Variants in C2orf69 observed in about 807,000 individuals in gnomAD.
C2orf69 encodes chromosome 2 open reading frame 69.
C2orf69 carries 19 observed loss-of-function variants against 29.5 expected under a neutral mutation model. That is an observed-to-expected ratio of 0.65 (90% CI 0.45 to 0.95). The LOEUF is 0.95. C2orf69 is among the 40% of genes least tolerant of loss of function. The pLI is 0.00. For synonymous variants in C2orf69, 194 were observed against 180.0 expected, an observed-to-expected ratio of 1.08 and a Z score of -0.62; for missense variants, 416 against 482.1, an observed-to-expected ratio of 0.86 and a Z score of 1.28.
In C2orf69 at chr2:199,911,302, CG is replaced by C. The variant is rs1210631147; in HGVS notation, c.-136del. The C allele has an allele frequency of 4.9e-5, 52 of 1,062,718 alleles. No individual in the cohort carries two copies. The highest frequency in any genetic ancestry group is 6.4e-5 in the Non-Finnish European group (51 of 795,774). The allele number at this position is 1,062,718 out of a possible 1,614,324, so 65.8% of individuals were successfully genotyped here. A position where few individuals can be genotyped will look rare whatever the true frequency, so the allele number is the denominator to read the frequency against. ...GCGCGCGGACGTCGGCCTCTGACGTCGTCGCCTCAGCGCCGGCTCCCGGCCG... is the reference window on the plus strand; with the variant it reads ...GCGCGCGGACGTCGGCCTCTGACGTCTCGCCTCAGCGCCGGCTCCCGGCCG... On this transcript the variant is annotated 5_prime_UTR_variant, in exon 1 of 2. Transcript: ENST00000319974.
intron 1 of C2orf69, among the ~76,000 whole-genome samples, chr2:199,922,582 G>A (rs1304922420): frequency 6.6e-6 from 1 of 152,106 alleles, no homozygotes; most frequent in East Asian, 1.9e-4. Flanking sequence ...GAATTACTAA[G>A]TCAAAAGGAA....
In C2orf69 at chr2:199,911,603, G is replaced by A. The variant is rs1372541781; in HGVS notation, c.165G>A (p.Leu55=). ...CCGAGGTGCGCCGCCGTCAGTGCCT[G>A]CAGCTTTCCACCGTGCCTGGAGCCG... The part of the protein sequence containing the change: ...LSAEVRRRQC[L]QLSTVPGADP... Residue 55 remains leucine (L), a synonymous_variant, in exon 1 of 2, where the codon CTG becomes CTA. Transcript: ENST00000319974. 1 of 1,549,526 alleles carries A rather than the reference G, an allele frequency of 6.5e-7. No homozygotes were observed. Among genetic ancestry groups the A allele is most frequent in the Non-Finnish European group, 8.7e-7 (1 of 1,146,636 alleles).
intron 1 of C2orf69, among the ~76,000 whole-genome samples, chr2:199,917,692 A>G (rs779633098): frequency 2.0e-5 from 3 of 152,142 alleles, no homozygotes; most frequent in Non-Finnish European, 4.4e-5. Context: ...GGAAGTTCCA[A>G]ACTTTCCCAC....
chr2:199,911,603 G>T lies in C2orf69; in HGVS notation c.165G>T (p.Leu55=), dbSNP rs1372541781. The change falls in exon 1 of 2, where the codon CTG becomes CTT. Residue 55 remains leucine (L), a synonymous_variant. Coordinates refer to ENST00000319974, the MANE Select transcript of C2orf69 (RefSeq NM_153689.6). ...LSAEVRRRQC[L]QLSTVPGADP... ...CCGAGGTGCGCCGCCGTCAGTGCCTGCAGCTTTCCACCGTGCCTGGAGCCG... is the reference window on the plus strand; with the variant it reads ...CCGAGGTGCGCCGCCGTCAGTGCCTTCAGCTTTCCACCGTGCCTGGAGCCG... 8.4e-6 allele frequency: 13 copies of T among 1,549,644 alleles called. No homozygotes were observed. Among genetic ancestry groups the T allele is most frequent in the Non-Finnish European group, 1.7e-6 (2 of 1,146,628 alleles).
Position 199,926,038 on chromosome 2 carries a change from C to A in C2orf69, c.*152C>A. On this transcript the variant is annotated 3_prime_UTR_variant, in exon 2 of 2. Coordinates refer to ENST00000319974, the MANE Select transcript of C2orf69 (RefSeq NM_153689.6). The stretch of plus-strand genomic sequence containing the variant: ...ATTCCTAAAATGTGAGTGTAATGTG[C>A]AATAGTATTTTTTGCTTGTGAATGT... The A allele has an allele frequency of 1.7e-6, 1 of 575,142 alleles. No individual in the cohort carries two copies. The highest frequency in any genetic ancestry group is 3.0e-5 in the Admixed American group (1 of 33,006). The allele number at this position is 575,142 out of a possible 1,614,324, so 35.6% of individuals were successfully genotyped here.
rs558021710 is a variant in C2orf69 at position 199,925,670 on chromosome 2, A to C, written c.942A>C (p.Pro314=). 9 of 1,613,848 alleles carry C rather than the reference A, an allele frequency of 5.6e-6. No individual in the cohort carries two copies. Among genetic ancestry groups the C allele is most frequent in the Non-Finnish European group, 5.9e-6 (7 of 1,179,834 alleles). The part of the protein sequence containing the change: ...SGGSNTWVTY[P]EVLKEFAQTG... ...GAAGCAATACTTGGGTTACTTATCC[A>C]GAAGTCTTGAAAGAATTTGCACAAA... Residue 314 remains proline, a synonymous_variant, in exon 2 of 2, where the codon CCA becomes CCC. Transcript: ENST00000319974. This position sits in a 1 kb window ranked among gnomAD's most constrained non-coding sequence, Gnocchi z 4.9.
In C2orf69 at chr2:199,925,066, A is replaced by T; in HGVS notation, c.338A>T (p.Tyr113Phe). Residue 113 changes from tyrosine to phenylalanine, a missense_variant, in exon 2 of 2, where the codon TAC (tyrosine) becomes TTC (phenylalanine). This residue lies in a region of C2orf69 where 225 missense variants were observed against 307.3 expected (regional missense o/e 0.73). Coordinates refer to ENST00000319974, the MANE Select transcript of C2orf69 (RefSeq NM_153689.6). This position sits in a 1 kb window ranked among gnomAD's most constrained non-coding sequence, Gnocchi z 4.9. ...VLYFPGDVQN[Y>F]HEIMTRHPEN... ...TTCATCTTTCTTACCTTTCAGAATT[A>T]CCATGAAATTATGACTCGTCATCCT... 1 of 1,567,556 alleles carries T rather than the reference A, an allele frequency of 6.4e-7. No homozygotes were observed. The highest frequency in any genetic ancestry group is 8.8e-7 in the Non-Finnish European group (1 of 1,139,904).
chr2:199,911,421 C>T lies in C2orf69; in HGVS notation c.-18C>T, dbSNP rs1423336032. On this transcript the variant is annotated 5_prime_UTR_variant, in exon 1 of 2. Transcript: ENST00000319974. ...TCCGCCACCCTCCACCTCCGAACCG[C>T]TCTCGCGGCGGCGACCCATGTGGGG... 6.0e-6 allele frequency: 9 copies of T among 1,504,686 alleles called. No individual in the cohort carries two copies. The East Asian group carries it at 2.0e-4, about 34-fold the overall frequency. 93.2% of individuals were successfully genotyped at this position (1,504,686 alleles called of 1,614,324 possible). A position where few individuals can be genotyped will look rare whatever the true frequency, so the allele number is the denominator to read the frequency against.
intron 1 of C2orf69, among the ~76,000 whole-genome samples, chr2:199,920,264 T>C (rs1316859812): frequency 2.0e-5 from 3 of 152,218 alleles, no homozygotes; most frequent in African/African-American, 7.2e-5. Flanking sequence ...TGCCTCTTTT[T>C]AGAATATGAA....
chr2:199,918,704 G>A (rs1346689507), intron 1 of C2orf69, among the ~76,000 whole-genome samples: 3 of 152,052 alleles, frequency 2.0e-5, no homozygotes, highest in African/African-American at 7.2e-5. Flanking sequence ...ATTTTGACAA[G>A]TGTTGGAATT....
At chr2:199,918,863 A>T in intron 1 of C2orf69, among the ~76,000 whole-genome samples, 1 of 152,128 alleles carries the variant, frequency 6.6e-6, no homozygotes, top group Non-Finnish European at 1.5e-5. Context: ...TTAATTTGTC[A>T]TATAGTATGT....
chr2:199,921,478 C>T (rs1477892361), intron 1 of C2orf69, among the ~76,000 whole-genome samples: 1 of 152,068 alleles, frequency 6.6e-6, no homozygotes, highest in Non-Finnish European at 1.5e-5. Context: ...GGAATCAAAA[C>T]ATGCAAATTA....
chr2:199,916,458 A>T (rs2077293234), intron 1 of C2orf69, among the ~76,000 whole-genome samples: 1 of 152,212 alleles, frequency 6.6e-6, no homozygotes, highest in African/African-American at 2.4e-5. Context: ...AGTTCCCCAA[A>T]GTCTTAACTC....
At position 199,911,335 on chromosome 2, in the gene C2orf69, G is replaced by GGCCGCCGACCGTTGA; in HGVS notation, c.-96_-82dup. ...CAGCGCCGGCTCCCGGCCGGGCCGC[G>GGCCGCCGACCGTTGA]GCCGCCGACCGTTGAGCCGCCGGCT... On this transcript the variant is annotated 5_prime_UTR_variant, in exon 1 of 2. Transcript: ENST00000319974. 1 of 1,317,960 alleles carries GGCCGCCGACCGTTGA rather than the reference G, an allele frequency of 7.6e-7. No homozygotes were observed. Among genetic ancestry groups the GGCCGCCGACCGTTGA allele is most frequent in the Non-Finnish European group, 9.7e-7 (1 of 1,026,094 alleles). The allele number at this position is 1,317,960 out of a possible 1,614,324, so 81.6% of individuals were successfully genotyped here.
chr2:199,913,939 T>C (rs1177674913), intron 1 of C2orf69, among the ~76,000 whole-genome samples: 1 of 152,224 alleles, frequency 6.6e-6, no homozygotes, highest in Admixed American at 6.5e-5. Context: ...CCAGATTGCC[T>C]GGGTTTGAAC....
rs978576854 is a variant in C2orf69, at chr2:199,925,300, T to C, written c.572T>C (p.Leu191Ser). ...GCTTTTAAGCACCTTTATATGTTAT[T>C]AGTTAATGCTTTTAATTTAAGTCAG... ...FGAFKHLYMLLVNAFNLSQNS... is the reference protein window; with the variant it reads ...FGAFKHLYMLSVNAFNLSQNS... The change falls in exon 2 of 2, where the codon TTA (leucine) becomes TCA (serine). Residue 191 changes from leucine to serine, a missense_variant. Around this residue, in one of 4 missense-constraint regions of C2orf69, gnomAD observed 225 missense variants for 307.3 expected, o/e 0.73. Coordinates refer to ENST00000319974, the MANE Select transcript of C2orf69 (RefSeq NM_153689.6). The surrounding 1 kb of genome is among the most constrained non-coding windows in gnomAD (Gnocchi z 4.9). 1.9e-6 allele frequency: 3 copies of C among 1,612,068 alleles called. No homozygotes were observed. In the Admixed American group the frequency reaches 5.0e-5, roughly 27 times the overall value.
intron 1 of C2orf69, among the ~76,000 whole-genome samples, chr2:199,921,485 AT>A (rs1014377247): frequency 6.6e-6 from 1 of 152,186 alleles, no homozygotes; most frequent in Non-Finnish European, 1.5e-5. Context: ...AAACATGCAA[AT>A]TAAATCAAAA....
rs1559292373 is a variant in C2orf69, at chr2:199,913,371, TG to T, written c.333+1601del. On this transcript the variant is annotated intron_variant, in intron 1 of 1. Transcript: ENST00000319974. ...ATATTATATATAATATATTCTATTA[TG>T]ATATATATTATATATAATAACATAT... is the stretch of plus-strand genomic sequence containing the variant. 1.4e-3 allele frequency among the ~76,000 whole-genome samples: 93 copies of T among 68,674 alleles called. 3 individuals are homozygous for T. In the East Asian group the frequency reaches 0.023, roughly 17 times the overall value. The allele number at this position is 68,674 out of a possible 152,430, so 45.1% of individuals were successfully genotyped here.
At chr2:199,924,417 G>A (rs2077328332) in intron 1 of C2orf69, among the ~76,000 whole-genome samples, 1 of 152,124 alleles carries the variant, frequency 6.6e-6, no homozygotes, top group Non-Finnish European at 1.5e-5. Flanking sequence ...AGAAAATGGG[G>A]AATGAGGGGC....
Sources: allele counts gnomAD v4.1 joint callset (sites outside exome capture counted in the v4.1 genomes callset), GRCh38; gene constraint gnomAD v4.1.1; regional missense constraint gnomAD v4.1.1; non-coding constraint Gnocchi (gnomAD v3.1); transcripts MANE v1.5; gene names NCBI Gene and HGNC (gene_info 2026-07-23, HGNC 2026-07-21).